RSPO2: variants seen among roughly 807,000 people sequenced by gnomAD.
RSPO2 encodes the protein R-spondin-2.
RSPO2 carries 14 observed loss-of-function variants against 30.9 expected under a neutral mutation model. That is an observed-to-expected ratio of 0.45 (90% confidence interval 0.30 to 0.71). The LOEUF (loss-of-function observed/expected upper bound fraction) is 0.71, where lower values mean the gene tolerates loss of function less well. Among genes scored for constraint, RSPO2 ranks in the 30% least tolerant of loss-of-function variants. The pLI is 0.08. For synonymous variants in RSPO2, 107 were observed against 96.4 expected (o/e 1.11, Z -0.64); for missense variants, 264 against 301.9 (o/e 0.87, Z 0.93).
At chr8:107,916,532 G>A (rs761493303) in intron 5 of RSPO2, among the ~76,000 whole-genome samples, 33 of 152,184 alleles carry the variant, frequency 2.2e-4, no homozygotes, top group Non-Finnish European at 1.5e-4. Context: ...AAGTGCATAA[G>A]AAAAGAGGAA....
chr8:108,024,991 T>C (rs1239607730), intron 2 of RSPO2, among the ~76,000 whole-genome samples: 1 of 151,938 alleles, frequency 6.6e-6, no homozygotes, highest in East Asian at 1.9e-4. Context: ...TGTACTCCAG[T>C]CTGGGTGACA....
chr8:108,049,789 T>C (rs1353503806), intron 2 of RSPO2, among the ~76,000 whole-genome samples: 2 of 152,178 alleles, frequency 1.3e-5, no homozygotes, highest in Admixed American at 1.3e-4. Flanking sequence ...ACATTTTCTT[T>C]ATCCAGTCTG....
At chr8:108,027,682 T>G (rs1330490174) in intron 2 of RSPO2, among the ~76,000 whole-genome samples, 1 of 152,218 alleles carries the variant, frequency 6.6e-6, no homozygotes, top group East Asian at 1.9e-4. Flanking sequence ...ATAACTCTTT[T>G]TCAGAGCCTG....
At chr8:107,986,813 A>AAC (rs1349795872) in intron 3 of RSPO2, among the ~76,000 whole-genome samples, 3 of 152,178 alleles carry the variant, frequency 2.0e-5, no homozygotes, top group Non-Finnish European at 4.4e-5. Flanking sequence ...TGTGGACTCA[A>AAC]ACCACCACCC....
intron 2 of RSPO2, among the ~76,000 whole-genome samples, chr8:108,057,381 T>C (rs1812289513): frequency 6.6e-6 from 1 of 152,178 alleles, no homozygotes; most frequent in African/African-American, 2.4e-5. Context: ...TGTATTTTCT[T>C]CATAGTGTTG....
chr8:108,018,960 T>C (rs1313177204), intron 2 of RSPO2, among the ~76,000 whole-genome samples: 1 of 152,234 alleles, frequency 6.6e-6, no homozygotes, highest in Non-Finnish European at 1.5e-5. Context: ...TAGCACTATA[T>C]GTATGTGTAG....
chr8:108,068,869 G>T (rs991608654), intron 2 of RSPO2, among the ~76,000 whole-genome samples: 10 of 152,110 alleles, frequency 6.6e-5, no homozygotes, highest in Admixed American at 4.6e-4. Flanking sequence ...CTTGATTTTG[G>T]ACTTTTAGCC....
chr8:107,958,925 ATTTTC>A (rs1343599687), intron 4 of RSPO2, among the ~76,000 whole-genome samples: 1 of 152,052 alleles, frequency 6.6e-6, no homozygotes, highest in Non-Finnish European at 1.5e-5. Context: ...TATGTACCAC[ATTTTC>A]TTTATGCAGT....
chr8:107,986,406 C>G (rs1814634873), intron 3 of RSPO2, among the ~76,000 whole-genome samples: 1 of 152,122 alleles, frequency 6.6e-6, no homozygotes, highest in Non-Finnish European at 1.5e-5. Context: ...ATAGCAAACC[C>G]TTTCTCATAT....
intron 2 of RSPO2, among the ~76,000 whole-genome samples, chr8:108,057,780 T>A (rs1251717278): frequency 1.3e-5 from 2 of 151,860 alleles, no homozygotes; most frequent in Non-Finnish European, 2.9e-5. Flanking sequence ...ACCAGTTTCT[T>A]CAGTTTGCAA....
chr8:107,922,630 G>A (rs1402807468), intron 5 of RSPO2, among the ~76,000 whole-genome samples: 2 of 151,894 alleles, frequency 1.3e-5, no homozygotes, highest in Non-Finnish European at 2.9e-5. Context: ...CTGAGCCCAA[G>A]TAGACAAGGC....
chr8:108,064,990 G>A (rs1215390719), intron 2 of RSPO2, among the ~76,000 whole-genome samples: 1 of 151,952 alleles, frequency 6.6e-6, no homozygotes, highest in Non-Finnish European at 1.5e-5. Context: ...TTGGACACAG[G>A]ATGGGGAACA....
intron 2 of RSPO2, among the ~76,000 whole-genome samples, chr8:108,064,280 C>A (rs1475745256): frequency 1.8e-4 from 27 of 152,098 alleles, no homozygotes; most frequent in East Asian, 3.9e-4. Flanking sequence ...CAATCTACTC[C>A]TCTGACAAAG....
At chr8:108,063,880 C>T (rs1183474501) in intron 2 of RSPO2, among the ~76,000 whole-genome samples, 2 of 152,184 alleles carry the variant, frequency 1.3e-5, no homozygotes, top group Non-Finnish European at 2.9e-5. Context: ...TGCCACACAT[C>T]TGCAACCATC....
intron 5 of RSPO2, among the ~76,000 whole-genome samples, chr8:107,915,227 T>A (rs994919121): frequency 1.3e-5 from 2 of 152,186 alleles, no homozygotes; most frequent in Non-Finnish European, 2.9e-5. Context: ...TCCTTAAATG[T>A]AAAACCAAAA....
At chr8:107,986,190 G>A (rs1199769368) in intron 3 of RSPO2, among the ~76,000 whole-genome samples, 1 of 152,090 alleles carries the variant, frequency 6.6e-6, no homozygotes, top group Non-Finnish European at 1.5e-5. Flanking sequence ...TGCAATATAT[G>A]CAAACTAGTC....
intron 2 of RSPO2, among the ~76,000 whole-genome samples, chr8:108,056,324 C>T (rs533485053): frequency 3.3e-5 from 5 of 152,148 alleles, no homozygotes; most frequent in South Asian, 4.2e-4. Context: ...AAAACCTACG[C>T]TTGGGCCCAA....
chr8:108,017,469 G>A (rs887550555), intron 2 of RSPO2, among the ~76,000 whole-genome samples: 2 of 152,278 alleles, frequency 1.3e-5, no homozygotes, highest in East Asian at 1.9e-4. Flanking sequence ...GAGAAACAGT[G>A]GAAGTAAGCT....
chr8:107,945,241 CTTTTTTTT>C (rs754722790), intron 5 of RSPO2, among the ~76,000 whole-genome samples: 12 of 74,834 alleles, frequency 1.6e-4, no homozygotes, highest in East Asian at 5.3e-4. Context: ...ATTCTTTTAC[CTTTTTTTT>C]TTTTTTTTTT....
Sources: allele counts gnomAD v4.1 joint callset (sites outside exome capture counted in the v4.1 genomes callset), GRCh38; gene constraint gnomAD v4.1.1; transcripts MANE v1.5; gene names NCBI Gene and HGNC (gene_info 2026-07-23, HGNC 2026-07-21).